DCC: variants seen among roughly 807,000 people sequenced by gnomAD.
The protein encoded by DCC is DCC netrin 1 receptor.
Under a neutral mutation model 172.5 loss-of-function variants are expected in DCC, and 58 were observed. The ratio of observed to expected loss-of-function variants is 0.34; its 90% CI spans 0.27 to 0.42. The LOEUF is 0.42. Among genes scored for constraint, DCC ranks in the 10% least tolerant of loss-of-function variants. DCC has a pLI of 1.00. For missense variants in DCC, 1,740 were observed against 1,791.0 expected (o/e 0.97, Z 0.51); for synonymous variants, 709 against 644.5 (o/e 1.10, Z -1.52).
chr18:52,363,140 G>T (rs1410377338), intron 1 of DCC, among the ~76,000 whole-genome samples: 1 of 152,124 alleles, frequency 6.6e-6, no homozygotes, highest in Non-Finnish European at 1.5e-5. Flanking sequence ...GCCTCCCAAA[G>T]TGCTGGGATT....
At chr18:53,466,716 G>A (rs1274915921) in intron 24 of DCC, among the ~76,000 whole-genome samples, 1 of 152,130 alleles carries the variant, frequency 6.6e-6, no homozygotes, top group African/African-American at 2.4e-5. Context: ...AGTGGAGATG[G>A]AGTTTCACCA....
intron 12 of DCC, among the ~76,000 whole-genome samples, chr18:53,248,586 C>T (rs1001066413): frequency 2.6e-5 from 4 of 152,004 alleles, no homozygotes; most frequent in Non-Finnish European, 2.9e-5. Context: ...TAGCGAAGAA[C>T]GAAAGCCAGA....
chr18:52,784,220 C>G (rs1185843635), intron 2 of DCC, among the ~76,000 whole-genome samples: 1 of 151,028 alleles, frequency 6.6e-6, no homozygotes, highest in Non-Finnish European at 1.5e-5. Flanking sequence ...AACATAGCGA[C>G]CTCCATTTCT....
At chr18:53,447,389 T>C (rs1912680982) in intron 22 of DCC, among the ~76,000 whole-genome samples, 1 of 152,122 alleles carries the variant, frequency 6.6e-6, no homozygotes, top group Admixed American at 6.6e-5. Context: ...GAGGAAGTCA[T>C]AAAGGCCTGC....
At chr18:52,479,103 A>G (rs1989178792) in intron 1 of DCC, among the ~76,000 whole-genome samples, 2 of 99,676 alleles carry the variant, frequency 2.0e-5, no homozygotes, top group Admixed American at 1.9e-4. Flanking sequence ...AATAGTAACT[A>G]CCTCATAGAC....
chr18:53,159,443 C>A (rs145995388), intron 8 of DCC, among the ~76,000 whole-genome samples: 1 of 152,254 alleles, frequency 6.6e-6, no homozygotes, highest in East Asian at 1.9e-4. Flanking sequence ...CTATTATTTT[C>A]AACATCTTTA....
intron 21 of DCC, among the ~76,000 whole-genome samples, chr18:53,427,436 GTTGT>G (rs889028936): frequency 6.6e-6 from 1 of 151,966 alleles, no homozygotes; most frequent in Non-Finnish European, 1.5e-5. Flanking sequence ...TTGTTATTCA[GTTGT>G]TTCATTCCTA....
chr18:53,168,684 C>T (rs892534531), intron 8 of DCC, among the ~76,000 whole-genome samples: 2 of 151,904 alleles, frequency 1.3e-5, no homozygotes, highest in South Asian at 2.1e-4. Flanking sequence ...CAAACCTACA[C>T]GTTCTGCACA....
At chr18:52,582,302 C>T (rs1319453442) in intron 1 of DCC, among the ~76,000 whole-genome samples, 1 of 152,128 alleles carries the variant, frequency 6.6e-6, no homozygotes, top group African/African-American at 2.4e-5. Flanking sequence ...GCACCCCTAC[C>T]TCTGATTTCC....
At chr18:53,488,976 G>A (rs893541098) in intron 26 of DCC, among the ~76,000 whole-genome samples, 2 of 151,780 alleles carry the variant, frequency 1.3e-5, no homozygotes, top group African/African-American at 4.8e-5. Context: ...GGCCAACATG[G>A]TGAAACCGCA....
rs893585925 is a variant in DCC, at chr18:52,752,173, G to A, written c.211G>A (p.Val71Met). Residue 71 changes from valine to methionine, a missense_variant, in exon 2 of 29, where the codon GTG (valine) becomes ATG (methionine). Coordinates refer to ENST00000442544, the MANE Select transcript of DCC (RefSeq NM_005215.4). ...CSAESDRGVP[V>M]IKWKKDGIHL... ...CGCGGAGTCCGACCGAGGAGTTCCA[G>A]TGATCAAGTGGAAGAAAGATGGCAT... The A allele has an allele frequency of 5.0e-6, 8 of 1,614,030 alleles. No homozygotes were observed. The highest frequency in any genetic ancestry group is 3.3e-5 in the Admixed American group (2 of 59,992).
At chr18:52,511,621 T>G (rs1306061484) in intron 1 of DCC, among the ~76,000 whole-genome samples, 1 of 152,130 alleles carries the variant, frequency 6.6e-6, no homozygotes, top group East Asian at 1.9e-4. Flanking sequence ...CCTCCTACAA[T>G]GCACAAGACA....
chr18:52,879,411 G>GTTTT (rs1568164319), intron 2 of DCC, among the ~76,000 whole-genome samples: 7 of 44,958 alleles, frequency 1.6e-4, no homozygotes, highest in African/African-American at 3.3e-4. Context: ...ATGTTGTTTG[G>GTTTT]CTTTTTTTTT....
intron 2 of DCC, among the ~76,000 whole-genome samples, chr18:52,759,686 A>G (rs982797107): frequency 3.9e-5 from 6 of 152,216 alleles, no homozygotes; most frequent in African/African-American, 1.4e-4. Flanking sequence ...AAACGTCAAG[A>G]TAAAAAAGAT....
In DCC at chr18:53,206,013, T is replaced by A. The variant is rs188956415; in HGVS notation, c.1722+649T>A. Among the ~76,000 whole-genome samples, 834 of 150,108 alleles carry A rather than the reference T, an allele frequency of 5.6e-3. 5 individuals carry two copies. The highest frequency in any genetic ancestry group is 0.023 in the Admixed American group (342 of 14,940). On this transcript the variant is annotated intron_variant, in intron 10 of 28. Coordinates refer to ENST00000442544, the MANE Select transcript of DCC (RefSeq NM_005215.4). ...TACATGCACACACATATGTTAAAAA[T>A]AGAAATTGAGTTTCATATATATGTG...
At chr18:53,285,102 A>G (rs2056920788) in intron 12 of DCC, among the ~76,000 whole-genome samples, 1 of 152,072 alleles carries the variant, frequency 6.6e-6, no homozygotes, top group Non-Finnish European at 1.5e-5. Flanking sequence ...CAGCCTGACA[A>G]TTTGATGGAA....
chr18:52,639,898 A>C (rs1423321465), intron 1 of DCC, among the ~76,000 whole-genome samples: 1 of 152,160 alleles, frequency 6.6e-6, no homozygotes, highest in Non-Finnish European at 1.5e-5. Context: ...AAAACCAGGA[A>C]AGGGCGTAAC....
intron 19 of DCC, among the ~76,000 whole-genome samples, chr18:53,405,686 T>A (rs1502214): frequency 0.24 from 36,430 of 152,114 alleles, 4,856 homozygotes; most frequent in East Asian, 0.41. Flanking sequence ...AACTTAGGAA[T>A]TTGGACTGAC....
At chr18:53,054,696 A>C (rs1165153902) in intron 5 of DCC, among the ~76,000 whole-genome samples, 1 of 152,152 alleles carries the variant, frequency 6.6e-6, no homozygotes, top group Non-Finnish European at 1.5e-5. Flanking sequence ...TGTCTGGCTA[A>C]AGAAAATTGT....
Sources: allele counts gnomAD v4.1 joint callset (sites outside exome capture counted in the v4.1 genomes callset), GRCh38; gene constraint gnomAD v4.1.1; transcripts MANE v1.5; gene names NCBI Gene and HGNC (gene_info 2026-07-23, HGNC 2026-07-21).